Variants in WDR49 observed in about 807,000 individuals in gnomAD.
The protein encoded by WDR49 is cilia- and flagella-associated protein 337.
WDR49 carries 107 observed loss-of-function variants against 119.5 expected under a neutral mutation model. The observed-to-expected ratio is 0.90, with a 90% CI of 0.77 to 1.05. The LOEUF (loss-of-function observed/expected upper bound fraction) is 1.05, where lower values mean the gene tolerates loss of function less well. WDR49 is among the 50% of genes least tolerant of loss of function. WDR49 has a pLI of 0.00. For synonymous variants in WDR49, 425 were observed against 418.8 expected, an observed-to-expected ratio of 1.01 and a Z score of -0.18; for missense variants, 1,240 against 1,220.5, an observed-to-expected ratio of 1.02 and a Z score of -0.24.
intron 2 of WDR49, among the ~76,000 whole-genome samples, chr3:167,644,022 T>A (rs1174978735): frequency 1.3e-5 from 2 of 149,482 alleles, no homozygotes; most frequent in Non-Finnish European, 3.0e-5. Context: ...TGCAAATCAC[T>A]CAATAGAAAA....
At chr3:167,563,241 C>A (rs796382300) in intron 8 of WDR49, among the ~76,000 whole-genome samples, 59 of 151,484 alleles carry the variant, frequency 3.9e-4, no homozygotes, top group African/African-American at 1.3e-3. Context: ...GTAGTCCCAG[C>A]TACTCAGGAG....
intron 18 of WDR49, among the ~76,000 whole-genome samples, chr3:167,489,910 A>T (rs1916351): frequency 0.58 from 88,503 of 152,000 alleles, 27,582 homozygotes; most frequent in African/African-American, 0.83. Context: ...TATCAAACTT[A>T]TATGTGCATA....
chr3:167,581,117 G>A (rs1273160012), intron 7 of WDR49, among the ~76,000 whole-genome samples: 1 of 152,026 alleles, frequency 6.6e-6, no homozygotes, highest in East Asian at 1.9e-4. Context: ...ACAAGAATAA[G>A]CACCTAAGTT....
chr3:167,522,807 C>T (rs1752501210), intron 15 of WDR49, among the ~76,000 whole-genome samples: 1 of 152,108 alleles, frequency 6.6e-6, no homozygotes. Flanking sequence ...TTACTAAAAA[C>T]AAAACAAAGC....
intron 2 of WDR49, among the ~76,000 whole-genome samples, chr3:167,645,325 C>G (rs1476451591): frequency 4.6e-5 from 7 of 152,204 alleles, no homozygotes; most frequent in East Asian, 1.9e-4. Context: ...ATTCTCCCCC[C>G]TCAGCCTCCC....
rs57991972 is a variant in WDR49 at position 167,615,443 on chromosome 3, TAAAAA to T, written c.958+4981_958+4985del. On this transcript the variant is annotated intron_variant, in intron 5 of 18. Transcript: ENST00000682715. ...GGACCACCACTCCCGGCTCTCCATT[TAAAAA>T]AAAAAAAAAAAAAAGAAAGAAAGAA... is the stretch of plus-strand genomic sequence containing the variant. Among the ~76,000 whole-genome samples the T allele has an allele frequency of 1.2e-3, 156 of 135,106 alleles. 1 individual carries two copies. The highest frequency in any genetic ancestry group is 9.3e-3 in the Admixed American group (123 of 13,274). The allele number at this position is 135,106 out of a possible 152,430, so 88.6% of individuals were successfully genotyped here.
chr3:167,506,062 ATTG>A (rs1751757836), intron 16 of WDR49, among the ~76,000 whole-genome samples: 1 of 152,174 alleles, frequency 6.6e-6, no homozygotes, highest in East Asian at 1.9e-4. Flanking sequence ...GTTTCCAAAA[ATTG>A]TTATTAGTAT....
intron 18 of WDR49, among the ~76,000 whole-genome samples, chr3:167,495,883 G>GAAAAAAAA: frequency 5.6e-5 from 4 of 71,222 alleles, no homozygotes; most frequent in Admixed American, 2.0e-4. Flanking sequence ...TTAAAAATTT[G>GAAAAAAAA]AAAAAAAAAA....
At chr3:167,604,188 G>A (rs757675465) in intron 6 of WDR49, 113 bp downstream of exon 6, 6 of 1,230,712 alleles carry the variant, frequency 4.9e-6, no homozygotes, top group East Asian at 2.5e-5. Flanking sequence ...TGAGCTTCTC[G>A]AGATGGTCTC....
At chr3:167,590,620 T>A (rs1715061798) in intron 7 of WDR49, among the ~76,000 whole-genome samples, 1 of 152,046 alleles carries the variant, frequency 6.6e-6, no homozygotes, top group African/African-American at 2.4e-5. Context: ...TTTTTATGGT[T>A]CAATCTTGGT....
At chr3:167,577,385 C>T (rs1034418959) in intron 7 of WDR49, among the ~76,000 whole-genome samples, 1 of 152,118 alleles carries the variant, frequency 6.6e-6, no homozygotes, top group Non-Finnish European at 1.5e-5. Context: ...TTTTAAAAAA[C>T]ATGTAGAATG....
In WDR49 at chr3:167,552,171, T is replaced by C. The variant is rs926508030; in HGVS notation, c.1823+2479A>G. Among the ~76,000 whole-genome samples, 7 of 151,920 alleles carry C rather than the reference T, an allele frequency of 4.6e-5. No individual in the cohort carries two copies. The South Asian group carries it at 1.0e-3, about 23-fold the overall frequency. The stretch of plus-strand genomic sequence containing the variant: ...AATGAAACTAGAAAATAAAAGAATA[T>C]GTCCAGGTCAGAGGGAGCTTAGACA... On this transcript the variant is annotated intron_variant, in intron 10 of 18. Transcript: ENST00000682715.
intron 14 of WDR49, among the ~76,000 whole-genome samples, chr3:167,528,732 A>C (rs1426050680): frequency 1.3e-5 from 2 of 151,836 alleles, no homozygotes; most frequent in Non-Finnish European, 2.9e-5. Context: ...TAAATAAATA[A>C]ATACATACAT....
intron 18 of WDR49, among the ~76,000 whole-genome samples, chr3:167,493,617 C>T (rs532835226): frequency 6.6e-6 from 1 of 152,280 alleles, no homozygotes; most frequent in African/African-American, 2.4e-5. Context: ...CTTTCATTTT[C>T]CTATTCCTAT....
intron 18 of WDR49, among the ~76,000 whole-genome samples, chr3:167,490,929 T>C (rs1428837681): frequency 1.4e-5 from 2 of 143,766 alleles, no homozygotes; most frequent in Admixed American, 1.3e-4. Flanking sequence ...TTCAATCTTA[T>C]GTGTTTTTTT....
At chr3:167,486,756 A>T (rs1405015307) in intron 18 of WDR49, among the ~76,000 whole-genome samples, 1 of 152,098 alleles carries the variant, frequency 6.6e-6, no homozygotes, top group Non-Finnish European at 1.5e-5. Flanking sequence ...TATGAAAAAA[A>T]TTTAGACAAC....
chr3:167,563,353 CAAAAAAAAAAAA>C (rs61247447), intron 8 of WDR49, among the ~76,000 whole-genome samples: 7 of 55,894 alleles, frequency 1.3e-4, no homozygotes, highest in South Asian at 7.3e-4. Flanking sequence ...GATTCTGAAT[CAAAAAAAAAAAA>C]AAAAAAAAAA....
intron 18 of WDR49, among the ~76,000 whole-genome samples, chr3:167,499,055 TCACA>T (rs1266175693): frequency 6.6e-6 from 1 of 151,988 alleles, no homozygotes; most frequent in African/African-American, 2.4e-5. Flanking sequence ...TAGATTGCCC[TCACA>T]AGAGCAAGCA....
chr3:167,610,905 C>T (rs113996815), intron 5 of WDR49, among the ~76,000 whole-genome samples: 258 of 152,186 alleles, frequency 1.7e-3, no homozygotes, highest in Non-Finnish European at 3.0e-3. Flanking sequence ...TCTGGTAATC[C>T]GGAGAATTTT....
Sources: allele counts gnomAD v4.1 joint callset (sites outside exome capture counted in the v4.1 genomes callset), GRCh38; gene constraint gnomAD v4.1.1; transcripts MANE v1.5; gene names NCBI Gene and HGNC (gene_info 2026-07-23, HGNC 2026-07-21).